SOX5: variants seen among roughly 807,000 people sequenced by gnomAD.
SOX5 encodes SRY-box transcription factor 5.
A neutral mutation model predicts 92.0 loss-of-function variants in SOX5; 9 were observed. That is an observed-to-expected ratio of 0.10 (90% confidence interval 0.06 to 0.17). The LOEUF (loss-of-function observed/expected upper bound fraction) is 0.17. Among genes scored for constraint, SOX5 ranks in the 10% least tolerant of loss-of-function variants. The pLI is 1.00. For missense variants in SOX5, 642 were observed against 944.5 expected (o/e 0.68, Z 4.20); for synonymous variants, 344 against 336.3 (o/e 1.02, Z -0.25).
chr12:24,520,586 C>T (rs1950183359), intron 1 of SOX5, among the ~76,000 whole-genome samples: 1 of 151,602 alleles, frequency 6.6e-6, no homozygotes. Flanking sequence ...AGGTACAAAA[C>T]AACTGCAAGA....
At position 24,393,151 on chromosome 12, in the gene SOX5, G is replaced by A. The variant is rs1420792224; in HGVS notation, c.-250-24512C>T. ...GATTGAAGCTAAGAAAAAAAATACA[G>A]CAAAATTAGAAGCTGGCAAAAAAAC... On this transcript the variant is annotated intron_variant, in intron 1 of 4. Coordinates refer to the SOX5 transcript ENST00000446891. This position sits in a 1 kb window ranked among gnomAD's most constrained non-coding sequence, Gnocchi z 5.0. Among the ~76,000 whole-genome samples, 1 of 141,468 alleles carries A rather than the reference G, an allele frequency of 7.1e-6. No individual in the cohort carries two copies. The highest frequency in any genetic ancestry group is 1.5e-5 in the Non-Finnish European group (1 of 67,048). The allele number at this position is 141,468 out of a possible 152,430, so 92.8% of individuals were successfully genotyped here. A position where few individuals can be genotyped will look rare whatever the true frequency, so the allele number is the denominator to read the frequency against.
At chr12:24,083,813 C>G (rs1943646254) in intron 4 of SOX5, among the ~76,000 whole-genome samples, 1 of 151,768 alleles carries the variant, frequency 6.6e-6, no homozygotes, top group East Asian at 1.9e-4. Context: ...AATTAGTGGC[C>G]CACTTTATTT....
chr12:24,349,472 G>A (rs1366441818), intron 2 of SOX5, among the ~76,000 whole-genome samples: 1 of 152,072 alleles, frequency 6.6e-6, no homozygotes, highest in Non-Finnish European at 1.5e-5. Context: ...CATTCTGTCT[G>A]TCTCTATGAT....
chr12:24,196,278 G>A (rs949732202), intron 4 of SOX5, among the ~76,000 whole-genome samples: 4 of 152,140 alleles, frequency 2.6e-5, no homozygotes, highest in African/African-American at 7.2e-5. Flanking sequence ...GTTGAAGATC[G>A]GTTTGTAATT....
intron 6 of SOX5, among the ~76,000 whole-genome samples, chr12:23,717,489 T>C (rs749926825): frequency 8.5e-5 from 13 of 152,296 alleles, no homozygotes; most frequent in Admixed American, 3.9e-4. Context: ...AGCTATTAAA[T>C]AGTGAGCAGA....
chr12:24,396,603 C>T (rs1281569493), intron 1 of SOX5, among the ~76,000 whole-genome samples: 1 of 152,206 alleles, frequency 6.6e-6, no homozygotes, highest in African/African-American at 2.4e-5. Flanking sequence ...CTTCCTCCAG[C>T]TGACACTTTT....
chr12:24,092,855 A>G (rs1402403847), intron 4 of SOX5, among the ~76,000 whole-genome samples: 1 of 152,180 alleles, frequency 6.6e-6, no homozygotes, highest in Non-Finnish European at 1.5e-5. Flanking sequence ...TAATAGCAGT[A>G]GTCCAGAAAA....
chr12:24,144,422 C>A (rs1309522688), intron 4 of SOX5, among the ~76,000 whole-genome samples: 1 of 152,100 alleles, frequency 6.6e-6, no homozygotes, highest in Non-Finnish European at 1.5e-5. Context: ...TTTATTTAAA[C>A]CTACCTAAAA....
At position 24,180,888 on chromosome 12, in the gene SOX5, C is replaced by T. The variant is rs536614387; in HGVS notation, c.-2+32455G>A. 2.6e-5 allele frequency among the ~76,000 whole-genome samples: 4 copies of T among 152,188 alleles called. No homozygotes were observed. In the South Asian group the frequency reaches 8.3e-4, roughly 32 times the overall value. ...CATATAATTCTACCACCATTCTACT[C>T]AACTCACCCATGGCTCACACAGGAG... is the stretch of plus-strand genomic sequence containing the variant. On this transcript the variant is annotated intron_variant, in intron 4 of 4. Coordinates refer to the SOX5 transcript ENST00000446891.
chr12:24,079,043 C>A (rs1943002322), intron 4 of SOX5, among the ~76,000 whole-genome samples: 1 of 151,886 alleles, frequency 6.6e-6, no homozygotes, highest in East Asian at 1.9e-4. Context: ...TACAACTCTG[C>A]CCAGGTGCAA....
intron 4 of SOX5, among the ~76,000 whole-genome samples, chr12:24,034,867 G>A (rs1442288149): frequency 1.3e-5 from 2 of 152,006 alleles, no homozygotes; most frequent in African/African-American, 2.4e-5. Context: ...TCTTGAAACC[G>A]TACATTTTTG....
intron 2 of SOX5, among the ~76,000 whole-genome samples, chr12:24,307,223 A>G (rs548077436): frequency 6.6e-6 from 1 of 152,304 alleles, no homozygotes; most frequent in East Asian, 1.9e-4. Context: ...CCTCTGAAAG[A>G]GGCATTATTT....
At chr12:24,261,850 C>T (rs950353722) in intron 3 of SOX5, among the ~76,000 whole-genome samples, 3 of 152,188 alleles carry the variant, frequency 2.0e-5, no homozygotes, top group African/African-American at 7.2e-5. Flanking sequence ...ACCTCTTCTT[C>T]CTCCATCCCA....
intron 1 of SOX5, among the ~76,000 whole-genome samples, chr12:23,897,262 T>G (rs1425671119): frequency 6.6e-6 from 1 of 152,140 alleles, no homozygotes; most frequent in African/African-American, 2.4e-5. Flanking sequence ...CCCAAATGCC[T>G]CTAATCATTG....
intron 6 of SOX5, among the ~76,000 whole-genome samples, chr12:23,684,497 C>CA (rs1439803301): frequency 1.3e-5 from 2 of 151,880 alleles, no homozygotes; most frequent in Non-Finnish European, 2.9e-5. Context: ...ATCTGTCCTA[C>CA]AAAAAAATGA....
chr12:23,775,486 C>A (rs1016438763), intron 3 of SOX5, among the ~76,000 whole-genome samples: 16 of 152,164 alleles, frequency 1.1e-4, no homozygotes, highest in African/African-American at 3.9e-4. Context: ...GAATAGGTGG[C>A]ATAACACAAA....
At chr12:23,774,919 A>AT (rs906114717) in intron 3 of SOX5, among the ~76,000 whole-genome samples, 8 of 152,146 alleles carry the variant, frequency 5.3e-5, no homozygotes, top group Non-Finnish European at 7.4e-5. Flanking sequence ...TTAAAGAAAG[A>AT]TTTTTTTCCA....
At chr12:24,380,538 C>T (rs769072503) in intron 1 of SOX5, among the ~76,000 whole-genome samples, 6 of 152,154 alleles carry the variant, frequency 3.9e-5, no homozygotes. Flanking sequence ...TAAATAACCT[C>T]AGAAGTTTTG....
chr12:24,204,748 C>T (rs1957861046), intron 4 of SOX5, among the ~76,000 whole-genome samples: 2 of 152,138 alleles, frequency 1.3e-5, no homozygotes, highest in Non-Finnish European at 2.9e-5. Context: ...ACTTCTCTCC[C>T]AAAGGCTTGT....
Sources: gnomAD v4.1 joint callset for allele counts (sites outside exome capture counted in the v4.1 genomes callset) on GRCh38, gnomAD v4.1.1 for gene constraint, Gnocchi (gnomAD v3.1) non-coding constraint, MANE v1.5 for transcripts, NCBI Gene and HGNC (gene_info 2026-07-23, HGNC 2026-07-21) for gene names.